KALRN: variants seen among roughly 807,000 people sequenced by gnomAD.
KALRN encodes the protein kalirin RhoGEF kinase, also known as kalirin.
In KALRN, 70 loss-of-function variants were observed where a neutral mutation model predicts 353.7. The ratio of observed to expected loss-of-function variants is 0.20; its 90% CI spans 0.16 to 0.24. The LOEUF is 0.24. KALRN is among the 10% of genes least tolerant of loss of function. KALRN has a pLI of 1.00. For missense variants in KALRN, 2,791 were observed against 3,756.7 expected, an observed-to-expected ratio of 0.74 and a Z score of 6.72; for synonymous variants, 1,391 against 1,434.8, an observed-to-expected ratio of 0.97 and a Z score of 0.69.
chr3:124,672,862 T>A (rs1036075328), intron 48 of KALRN, among the ~76,000 whole-genome samples: 4 of 152,226 alleles, frequency 2.6e-5, no homozygotes, highest in Non-Finnish European at 5.9e-5. Flanking sequence ...AGTGGCTCTA[T>A]GAATAGGAAC....
chr3:124,041,716 A>T lies in KALRN; in HGVS notation c.73+7903A>T, dbSNP rs568969537. ...CAGGTCCTTCCTGCCTTTTCTCTGG[A>T]TGCAGAGGAAAGTTCAGAGTCCTCC... On this transcript the variant is annotated intron_variant, in intron 1 of 59. Coordinates refer to ENST00000682506, the MANE Select transcript of KALRN (RefSeq NM_001388419.1). 4.6e-5 allele frequency among the ~76,000 whole-genome samples: 7 copies of T among 152,346 alleles called. No individual in the cohort carries two copies. The East Asian group carries it at 1.2e-3, about 25-fold the overall frequency.
intron 33 of KALRN, among the ~76,000 whole-genome samples, chr3:124,537,578 G>C (rs2068638378): frequency 6.6e-6 from 1 of 152,170 alleles, no homozygotes; most frequent in East Asian, 1.9e-4. Flanking sequence ...GGATGGAAAA[G>C]GATTTCCAGA....
At chr3:124,218,358 T>C (rs1296093128) in intron 1 of KALRN, among the ~76,000 whole-genome samples, 1 of 152,164 alleles carries the variant, frequency 6.6e-6, no homozygotes. Context: ...CTTTTCTGTG[T>C]CTGAACTTGC....
intron 5 of KALRN, among the ~76,000 whole-genome samples, chr3:124,291,900 T>C (rs1462231074): frequency 3.9e-5 from 6 of 152,294 alleles, no homozygotes; most frequent in Admixed American, 1.3e-4. Context: ...GAGATATTTA[T>C]TACACCTACA....
intron 51 of KALRN, among the ~76,000 whole-genome samples, chr3:124,693,306 T>C (rs333284): frequency 0.46 from 70,580 of 151,832 alleles, 17,233 homozygotes; most frequent in East Asian, 0.82. Flanking sequence ...TGGGGATGAG[T>C]AAAGGGTAAA....
chr3:124,222,486 A>G (rs1172630861), intron 1 of KALRN, among the ~76,000 whole-genome samples: 1 of 152,228 alleles, frequency 6.6e-6, no homozygotes, highest in Non-Finnish European at 1.5e-5. Context: ...AGGCCAGGCT[A>G]CAGCATGCTT....
In KALRN at chr3:124,722,107, TGA is replaced by T. The variant is rs1457085248; in HGVS notation, c.*2639_*2640del. ...TCAAGATCCCCCTGCTGAGCCATTC[TGA>T]GTTTTTATAACAAGTTGAGTTTCTG... On this transcript the variant is annotated 3_prime_UTR_variant, in exon 60 of 60. Coordinates refer to ENST00000682506, the MANE Select transcript of KALRN (RefSeq NM_001388419.1). 1.3e-5 allele frequency: 2 copies of T among 152,394 alleles called. No homozygotes were observed. Among genetic ancestry groups the T allele is most frequent in the Non-Finnish European group, 2.9e-5 (2 of 68,204 alleles). 9.4% of individuals were successfully genotyped at this position (152,394 alleles called of 1,614,324 possible).
rs376408729 is a variant in KALRN at position 124,476,636 on chromosome 3, C to T, written c.4102-609C>T. On this transcript the variant is annotated intron_variant, in intron 26 of 59. Transcript: ENST00000682506. Reference sequence around the variant, plus strand: ...GAGTCTTCAGAGTCTTGAATTTTCACCCAGCCGTAAGGTTCTTGGCTTGAA... The same window carrying T: ...GAGTCTTCAGAGTCTTGAATTTTCATCCAGCCGTAAGGTTCTTGGCTTGAA... Among the ~76,000 whole-genome samples, 4 of 152,256 alleles carry T rather than the reference C, an allele frequency of 2.6e-5. No homozygotes were observed. In the East Asian group the frequency reaches 5.8e-4, roughly 22 times the overall value.
chr3:124,077,465 C>T (rs998230125), intron 1 of KALRN, among the ~76,000 whole-genome samples: 5 of 152,196 alleles, frequency 3.3e-5, no homozygotes, highest in Non-Finnish European at 5.9e-5. Context: ...TGCAGGGCCA[C>T]TCATTCATTC....
chr3:124,191,035 T>C (rs1375206215), intron 1 of KALRN, among the ~76,000 whole-genome samples: 1 of 152,182 alleles, frequency 6.6e-6, no homozygotes, highest in African/African-American at 2.4e-5. Context: ...CTCAGGTAAC[T>C]CAGGGAGACA....
At chr3:124,655,524 CTT>C (rs2083911759) in intron 38 of KALRN, 75 bp from the exon 39 acceptor site, 1 of 1,203,720 alleles carries the variant, frequency 8.3e-7, no homozygotes, top group African/African-American at 1.5e-5. Flanking sequence ...GCCAAAGTAA[CTT>C]TTCTGTGAAC....
chr3:124,564,077 C>T (rs541655725), intron 34 of KALRN, among the ~76,000 whole-genome samples: 13 of 147,652 alleles, frequency 8.8e-5, no homozygotes, highest in African/African-American at 1.8e-4. Flanking sequence ...TGGTGGCGCA[C>T]GCCTGTAGTC....
intron 33 of KALRN, chr3:124,518,651 CG>C: frequency 6.9e-7 from 1 of 1,451,724 alleles, no homozygotes; most frequent in East Asian, 2.5e-5. Flanking sequence ...GGCTCACCCT[CG>C]GGGCTCCCTT....
intron 1 of KALRN, among the ~76,000 whole-genome samples, chr3:124,188,335 A>G (rs1359482932): frequency 6.6e-6 from 1 of 152,216 alleles, no homozygotes; most frequent in African/African-American, 2.4e-5. Context: ...TGAACATTCC[A>G]GACAGCAAGA....
chr3:124,439,795 T>C (rs952667227), intron 18 of KALRN, among the ~76,000 whole-genome samples: 2 of 152,192 alleles, frequency 1.3e-5, no homozygotes, highest in Admixed American at 6.5e-5. Flanking sequence ...TGGGAAGTCC[T>C]TGTGAGCCTC....
At chr3:124,649,511 C>T (rs982828658) in intron 37 of KALRN, among the ~76,000 whole-genome samples, 1 of 152,132 alleles carries the variant, frequency 6.6e-6, no homozygotes, top group African/African-American at 2.4e-5. Context: ...CGCTGTCTCA[C>T]ACCTGTAATC....
At chr3:124,296,956 A>G (rs2076897175) in intron 5 of KALRN, among the ~76,000 whole-genome samples, 1 of 152,176 alleles carries the variant, frequency 6.6e-6, no homozygotes, top group African/African-American at 2.4e-5. Context: ...TCAACAGCCA[A>G]TATTCACCTC....
chr3:124,363,458 T>C (rs761312477), intron 10 of KALRN, among the ~76,000 whole-genome samples: 14 of 152,240 alleles, frequency 9.2e-5, no homozygotes, highest in Non-Finnish European at 1.8e-4. Context: ...AAAATGGGAA[T>C]GATATCTATT....
chr3:124,417,103 T>C (rs1308077969), intron 14 of KALRN, among the ~76,000 whole-genome samples: 1 of 152,250 alleles, frequency 6.6e-6, no homozygotes, highest in African/African-American at 2.4e-5. Flanking sequence ...TTTCTTAATT[T>C]GCTCATTGTT....
Sources: gnomAD v4.1 joint callset for allele counts (sites outside exome capture counted in the v4.1 genomes callset) on GRCh38, gnomAD v4.1.1 for gene constraint, MANE v1.5 for transcripts, NCBI Gene and HGNC (gene_info 2026-07-23, HGNC 2026-07-21) for gene names.